The following AR variants were observed in gnomAD, a reference collection of about 807,000 sequenced individuals.
The protein encoded by AR is androgen receptor, also known as dihydrotestosterone receptor.
A neutral mutation model predicts 53.9 loss-of-function variants in AR; 8 were observed. The ratio of observed to expected loss-of-function variants is 0.15; its 90% CI spans 0.09 to 0.27. The LOEUF (loss-of-function observed/expected upper bound fraction) is 0.27. AR is among the 10% of genes least tolerant of loss of function. AR has a pLI of 1.00. For synonymous variants in AR, 359 were observed against 316.4 expected (o/e 1.13, Z -1.43); for missense variants, 639 against 742.5 (o/e 0.86, Z 1.62).
chrX:67,708,303 T>A (rs2076077650), intron 3 of AR, among the ~76,000 whole-genome samples: 1 of 111,945 alleles, frequency 8.9e-6, no homozygotes, highest in South Asian at 3.7e-4. Context: ...TTTGGTCTTT[T>A]CACATAGTCC....
chrX:67,595,651 C>A (rs1486799718), intron 1 of AR, among the ~76,000 whole-genome samples: 9 of 91,900 alleles, frequency 9.8e-5, no homozygotes, highest in African/African-American at 1.2e-4. Flanking sequence ...CAAAAATATA[C>A]AAAAAAAAAA....
chrX:67,553,906 T>C (rs1930088560), intron 1 of AR, among the ~76,000 whole-genome samples: 1 of 112,235 alleles, frequency 8.9e-6, no homozygotes, highest in Non-Finnish European at 1.9e-5. Flanking sequence ...GCAACCTTGC[T>C]GAAAATACCT....
At position 67,546,695 on chromosome X, in the gene AR, C is replaced by G; in HGVS notation, c.1549C>G (p.Pro517Ala). Residue 517 changes from proline to alanine, a missense_variant, in exon 1 of 8, where the codon CCC (proline) becomes GCC (alanine). Transcript: ENST00000374690. ...GMVSRVPYPSPTCVKSEMGPW... is the reference protein window; with the variant it reads ...GMVSRVPYPSATCVKSEMGPW... ...GGTGAGCAGAGTGCCCTATCCCAGT[C>G]CCACTTGTGTCAAAAGCGAAATGGG... is the stretch of plus-strand genomic sequence containing the variant. 8.3e-7 allele frequency: 1 copy of G among 1,209,103 alleles called. No individual in the cohort carries two copies. The highest frequency in any genetic ancestry group is 1.1e-6 in the Non-Finnish European group (1 of 894,249).
intron 1 of AR, among the ~76,000 whole-genome samples, chrX:67,562,927 A>G (rs1921398758): frequency 8.9e-6 from 1 of 111,951 alleles, no homozygotes; most frequent in African/African-American, 3.2e-5. Flanking sequence ...GTAGGTGCTG[A>G]AATATTAGTT....
At chrX:67,548,607 A>G (rs745903864) in intron 1 of AR, among the ~76,000 whole-genome samples, 13 of 110,852 alleles carry the variant, frequency 1.2e-4, no homozygotes, top group Non-Finnish European at 2.3e-4. Flanking sequence ...CCTCCCCCAC[A>G]ACTTACTTAC....
At chrX:67,620,725 C>T (rs1274679182) in intron 1 of AR, among the ~76,000 whole-genome samples, 1 of 111,562 alleles carries the variant, frequency 9.0e-6, no homozygotes, top group Middle Eastern at 4.2e-3. Context: ...GTATTTAACT[C>T]TGAGTCTCAT....
At chrX:67,667,702 A>G (rs766222751) in intron 2 of AR, among the ~76,000 whole-genome samples, 1 of 111,647 alleles carries the variant, frequency 9.0e-6, no homozygotes, top group South Asian at 3.7e-4. Flanking sequence ...AACATGGAAT[A>G]TCCTTCTATT....
At chrX:67,584,497 GACAGATCTGCAT>G (rs1429916565) in intron 1 of AR, among the ~76,000 whole-genome samples, 2 of 112,140 alleles carry the variant, frequency 1.8e-5, no homozygotes, top group Admixed American at 9.4e-5. Context: ...CTTGGATTCA[GACAGATCTGCAT>G]TTGACTCCTG....
chrX:67,696,852 G>T (rs1357571290), intron 3 of AR, among the ~76,000 whole-genome samples: 1 of 111,383 alleles, frequency 9.0e-6, no homozygotes, highest in Non-Finnish European at 1.9e-5. Flanking sequence ...TCAACCCGAT[G>T]AAATATAAAG....
At chrX:67,629,099 T>A (rs1343992244) in intron 1 of AR, among the ~76,000 whole-genome samples, 1 of 111,525 alleles carries the variant, frequency 9.0e-6, no homozygotes, top group African/African-American at 3.3e-5. Context: ...TAAAATTCTC[T>A]TTTTTGGTTG....
chrX:67,561,736 G>A (rs1023390923), intron 1 of AR, among the ~76,000 whole-genome samples: 8 of 110,692 alleles, frequency 7.2e-5, no homozygotes, highest in Non-Finnish European at 1.1e-4. Flanking sequence ...GTATTGTTCA[G>A]CCCCAGTATT....
At chrX:67,547,459 A>G (rs1232474377) in intron 1 of AR, among the ~76,000 whole-genome samples, 1 of 111,686 alleles carries the variant, frequency 9.0e-6, no homozygotes, top group African/African-American at 3.3e-5. Context: ...TTGCACTCAC[A>G]GTTTCTCAAC....
Position 67,724,069 on chromosome X carries a change from G to T in AR, c.*228G>T. ...ATCTAACCCTCCCATGGCACCTTCA[G>T]ACTTTGCTTCCCATTGTGGCTCCTA... On this transcript the variant is annotated 3_prime_UTR_variant, in exon 8 of 8. Coordinates refer to ENST00000374690, the MANE Select transcript of AR (RefSeq NM_000044.6). 2.3e-6 allele frequency: 1 copy of T among 431,872 alleles called. No homozygotes were observed. Among genetic ancestry groups the T allele is most frequent in the South Asian group, 3.5e-5 (1 of 28,294 alleles). The allele number at this position is 431,872 out of a possible 1,213,427, so 35.6% of individuals were successfully genotyped here.
intron 1 of AR, among the ~76,000 whole-genome samples, chrX:67,631,623 G>A (rs910992515): frequency 3.6e-5 from 4 of 112,234 alleles, no homozygotes; most frequent in Non-Finnish European, 5.6e-5. Context: ...ATTGTCTGAA[G>A]CCTTCTTCTC....
At chrX:67,706,659 C>G (rs1476774402) in intron 3 of AR, among the ~76,000 whole-genome samples, 1 of 111,479 alleles carries the variant, frequency 9.0e-6, no homozygotes, top group Non-Finnish European at 1.9e-5. Context: ...CAGTTCTTCT[C>G]TGATCTTGGT....
At chrX:67,626,847 T>C (rs1924687721) in intron 1 of AR, among the ~76,000 whole-genome samples, 1 of 92,891 alleles carries the variant, frequency 1.1e-5, no homozygotes, top group African/African-American at 4.0e-5. Flanking sequence ...GTTCTCATTG[T>C]TCAATTCCCA....
intron 1 of AR, among the ~76,000 whole-genome samples, chrX:67,593,418 G>A (rs1922928283): frequency 9.3e-6 from 1 of 106,954 alleles, no homozygotes; most frequent in African/African-American, 3.4e-5. Context: ...CTGTAGTGCA[G>A]TGGAGTGATC....
intron 1 of AR, among the ~76,000 whole-genome samples, chrX:67,604,195 A>AAT (rs1280599162): frequency 1.7e-4 from 11 of 65,618 alleles, no homozygotes; most frequent in Admixed American, 1.5e-3. Context: ...GCTGGGGAGA[A>AAT]ATATGTGTGT....
At chrX:67,714,415 T>C (rs2076104884) in intron 4 of AR, among the ~76,000 whole-genome samples, 1 of 111,818 alleles carries the variant, frequency 8.9e-6, no homozygotes, top group South Asian at 3.8e-4. Context: ...TTCACGAAAC[T>C]CAATTTTAGC....
Sources: gnomAD v4.1 joint callset for allele counts (sites outside exome capture counted in the v4.1 genomes callset) on GRCh38, gnomAD v4.1.1 for gene constraint, MANE v1.5 for transcripts, NCBI Gene and HGNC (gene_info 2026-07-23, HGNC 2026-07-21) for gene names.